The following GNL3L variants were observed in gnomAD, a reference collection of about 807,000 sequenced individuals.
GNL3L encodes guanine nucleotide-binding protein-like 3-like protein.
In GNL3L, 4 loss-of-function variants were observed where a neutral mutation model predicts 42.9. The observed-to-expected ratio is 0.09, with a 90% CI of 0.05 to 0.21. The LOEUF is 0.21. Among genes scored for constraint, GNL3L ranks in the 10% least tolerant of loss-of-function variants. The pLI, the probability that GNL3L is intolerant of heterozygous loss-of-function variation, is 1.00. For missense variants in GNL3L, 412 were observed against 481.7 expected (o/e 0.86, Z 1.36); for synonymous variants, 159 against 176.3 (o/e 0.90, Z 0.78).
intron 16 of GNL3L, among the ~76,000 whole-genome samples, chrX:54,606,934 C>G (rs1300141266): frequency 9.1e-6 from 1 of 110,272 alleles, no homozygotes; most frequent in Non-Finnish European, 1.9e-5. Flanking sequence ...AGTCACCATG[C>G]CTGACTGTTC....
chrX:54,572,093 G>A (rs930914298), downstream of GNL3L, among the ~76,000 whole-genome samples: 5 of 108,671 alleles, frequency 4.6e-5, no homozygotes, highest in African/African-American at 6.7e-5. Flanking sequence ...GTGGAGGGAA[G>A]GTCAGCAGAT....
chrX:54,532,039 G>A (rs1379988605), intron 1 of GNL3L, among the ~76,000 whole-genome samples: 2 of 110,428 alleles, frequency 1.8e-5, no homozygotes, highest in Middle Eastern at 4.6e-3. Context: ...ATCTATTTAC[G>A]CCCTTCCCCA....
intron 16 of GNL3L, among the ~76,000 whole-genome samples, chrX:54,614,625 C>T (rs1248807500): frequency 3.6e-5 from 4 of 111,170 alleles, no homozygotes; most frequent in Non-Finnish European, 7.5e-5. Flanking sequence ...ATATTTCGCT[C>T]GGCTCTCTAA....
intron 16 of GNL3L, among the ~76,000 whole-genome samples, chrX:54,600,236 TTTTTTTTAA>T (rs1925988143): frequency 1.5e-5 from 1 of 68,963 alleles, no homozygotes; most frequent in Admixed American, 1.5e-4. Flanking sequence ...TTTTTTTTTT[TTTTTTTTAA>T]GACGGAGTTT....
In GNL3L at chrX:54,551,055, G is replaced by A. The variant is rs777630360; in HGVS notation, c.863+5G>A. The stretch of plus-strand genomic sequence containing the variant: ...AGCTGTTCCTGGAATTACCAAGTAA[G>A]CACCTGCCTGCTCCTCCACTCCACA... On this transcript the variant is annotated splice_donor_5th_base_variant and intron_variant, in intron 10 of 15. Coordinates refer to ENST00000360845, the MANE Select transcript of GNL3L (RefSeq NM_001184819.2). 2 of 954,047 alleles carry A rather than the reference G, an allele frequency of 2.1e-6. No individual in the cohort carries two copies. The highest frequency in any genetic ancestry group is 3.0e-6 in the Non-Finnish European group (2 of 660,655). 78.6% of individuals were successfully genotyped at this position (954,047 alleles called of 1,213,427 possible).
At chrX:54,611,297 C>T (rs1378940421) in intron 16 of GNL3L, among the ~76,000 whole-genome samples, 3 of 111,435 alleles carry the variant, frequency 2.7e-5, no homozygotes, top group African/African-American at 9.8e-5. Context: ...TTCAAGGAAC[C>T]AGATTTTTGT....
chrX:54,610,429 A>G (rs55685176), intron 16 of GNL3L, among the ~76,000 whole-genome samples: 12,461 of 110,709 alleles, frequency 0.11, 1,006 homozygotes, highest in African/African-American at 0.29. Context: ...GTCTTTTTCC[A>G]GTTCTCAGAG....
intron 16 of GNL3L, among the ~76,000 whole-genome samples, chrX:54,618,573 G>A (rs1926249626): frequency 9.0e-6 from 1 of 111,096 alleles, no homozygotes; most frequent in African/African-American, 3.3e-5. Flanking sequence ...AATGGATAAA[G>A]AACACAAATA....
In GNL3L at chrX:54,607,076, T is replaced by TTC. The variant is rs1569542630; in HGVS notation, c.*46-13767_*46-13766dup. On this transcript the variant is annotated intron_variant, in intron 16 of 16. Coordinates refer to the GNL3L transcript ENST00000674498. The stretch of plus-strand genomic sequence containing the variant: ...TCTTTCTTTCTTTCTTTCTTTCTCT[T>TTC]TCTTTCTTCTTTCTTTCTTTCTTTC... 5.9e-3 allele frequency among the ~76,000 whole-genome samples: 264 copies of TTC among 44,595 alleles called. 14 individuals are homozygous for TTC. The highest frequency in any genetic ancestry group is 0.051 in the African/African-American group (232 of 4,557). 38.7% of individuals were successfully genotyped at this position (44,595 alleles called of 115,157 possible).
intron 8 of GNL3L, among the ~76,000 whole-genome samples, chrX:54,546,777 G>T (rs1000192437): frequency 2.2e-4 from 24 of 110,152 alleles, no homozygotes; most frequent in African/African-American, 7.6e-4. Context: ...CTCCCGAGTA[G>T]CTGGGATGAC....
the GNL3L span, among the ~76,000 whole-genome samples, chrX:54,641,411 G>T: frequency 9.0e-6 from 1 of 111,453 alleles, no homozygotes; most frequent in African/African-American, 3.3e-5. Context: ...TAAGAGTTCT[G>T]GGAAGGCTTC....
Position 54,543,008 on chromosome X carries a change from G to A in GNL3L, c.360G>A (p.Thr120=), listed in dbSNP as rs777419878. Residue 120 remains threonine, a synonymous_variant, in exon 6 of 16, where the codon ACG becomes ACA. Transcript: ENST00000360845. ...NMFPQLDDEA[T]RKAYYKEFRK... ...TTCCTCAGCTGGATGACGAGGCCACGAGGAAGGCTTATTACAAGGAGTTCC... is the reference window on the plus strand; with the variant it reads ...TTCCTCAGCTGGATGACGAGGCCACAAGGAAGGCTTATTACAAGGAGTTCC... The A allele has an allele frequency of 3.2e-5, 38 of 1,188,457 alleles. No homozygotes were observed. Among genetic ancestry groups the A allele is most frequent in the Non-Finnish European group, 4.1e-5 (36 of 876,305 alleles).
Position 54,562,059 on chromosome X carries a change from C to T in GNL3L, c.*1457C>T, listed in dbSNP as rs142887625. On this transcript the variant is annotated 3_prime_UTR_variant, in exon 16 of 16. Coordinates refer to ENST00000360845, the MANE Select transcript of GNL3L (RefSeq NM_001184819.2). ...CACCATCCTTCGACCCACAGCTGCA[C>T]CTTTATTTATTTATTTTGCTCTGTT... Among the ~76,000 whole-genome samples, 116 of 112,041 alleles carry T rather than the reference C, an allele frequency of 1.0e-3. No homozygotes were observed. Among genetic ancestry groups the T allele is most frequent in the Admixed American group, 5.7e-3 (60 of 10,613 alleles).
chrX:54,641,362 A>C, the GNL3L span, among the ~76,000 whole-genome samples: 1 of 111,592 alleles, frequency 9.0e-6, no homozygotes, highest in Non-Finnish European at 1.9e-5. Flanking sequence ...TGATTCCTGC[A>C]GTAGGGGTCC....
At chrX:54,581,450 G>C (rs1261957839) in intron 16 of GNL3L, among the ~76,000 whole-genome samples, 1 of 111,164 alleles carries the variant, frequency 9.0e-6, no homozygotes, top group Non-Finnish European at 1.9e-5. Flanking sequence ...GCTTAGACTG[G>C]TCTCAAACTC....
intron 16 of GNL3L, among the ~76,000 whole-genome samples, chrX:54,614,528 C>T (rs755056275): frequency 8.1e-5 from 9 of 111,259 alleles, no homozygotes; most frequent in Non-Finnish European, 1.3e-4. Flanking sequence ...GTCATCATCC[C>T]GCTGGATCCC....
At chrX:54,554,819 G>T (rs780667440) in intron 14 of GNL3L, 127 bp downstream of exon 14, 202 of 555,243 alleles carry the variant, frequency 3.6e-4, no homozygotes, top group Non-Finnish European at 4.3e-4. Context: ...TGGGCTTCTG[G>T]ATGCCTGGCC....
rs1924697649 is a variant in GNL3L, at chrX:54,543,958, A to T, written c.527-265A>T. 3 of 291,206 alleles carry T rather than the reference A, an allele frequency of 1.0e-5. No individual in the cohort carries two copies. In the South Asian group the frequency reaches 2.5e-4, roughly 25 times the overall value. 24.0% of individuals were successfully genotyped at this position (291,206 alleles called of 1,213,427 possible). A position where few individuals can be genotyped will look rare whatever the true frequency, so the allele number is the denominator to read the frequency against. On this transcript the variant is annotated intron_variant, in intron 7 of 15. Transcript: ENST00000360845. ...TCTGATGCTCCTGGCGCTGTTTTGG[A>T]AAGAGAACATTTGGGACCAGATAGC...
chrX:54,613,791 C>A (rs1926190968), intron 16 of GNL3L, among the ~76,000 whole-genome samples: 1 of 110,763 alleles, frequency 9.0e-6, no homozygotes, highest in Non-Finnish European at 1.9e-5. Context: ...GCTGTGTATA[C>A]CAGCGCCTGT....
Sources: allele counts gnomAD v4.1 joint callset (sites outside exome capture counted in the v4.1 genomes callset), GRCh38; gene constraint gnomAD v4.1.1; transcripts MANE v1.5; gene names NCBI Gene and HGNC (gene_info 2026-07-23, HGNC 2026-07-21).